TMEM232: variants seen among roughly 807,000 people sequenced by gnomAD.
TMEM232 encodes transmembrane protein 232.
A neutral mutation model predicts 78.8 loss-of-function variants in TMEM232; 80 were observed. The observed-to-expected ratio is 1.01, with a 90% CI of 0.85 to 1.22. The LOEUF (loss-of-function observed/expected upper bound fraction) is 1.22, where lower values mean the gene tolerates loss of function less well. Ranked by LOEUF, TMEM232 falls within the 50% of genes most tolerant of loss-of-function variation. The pLI is 0.00. For missense variants in TMEM232, 881 were observed against 742.2 expected, an observed-to-expected ratio of 1.19 and a Z score of -2.17; for synonymous variants, 297 against 254.3, an observed-to-expected ratio of 1.17 and a Z score of -1.60.
chr5:110,539,735 GA>G (rs1164710996), intron 11 of TMEM232, among the ~76,000 whole-genome samples: 2 of 152,154 alleles, frequency 1.3e-5, no homozygotes, highest in African/African-American at 4.8e-5. Flanking sequence ...CCCAACCAAG[GA>G]AGCTTCTGAA....
chr5:110,450,268 G>T (rs1407463893), intron 12 of TMEM232, among the ~76,000 whole-genome samples: 1 of 152,092 alleles, frequency 6.6e-6, no homozygotes, highest in East Asian at 1.9e-4. Context: ...GTGTGAGAAT[G>T]GACTAATGCA....
At chr5:110,450,847 T>A (rs572718886) in intron 12 of TMEM232, among the ~76,000 whole-genome samples, 3 of 152,176 alleles carry the variant, frequency 2.0e-5, no homozygotes, top group African/African-American at 7.2e-5. Flanking sequence ...ATCAAAAGAG[T>A]TAAGTGTGAA....
At chr5:110,627,938 C>T (rs1784626701) in intron 5 of TMEM232, 58 bp from the exon 6 acceptor site, 1 of 1,172,660 alleles carries the variant, frequency 8.5e-7, no homozygotes, top group Admixed American at 3.1e-5. Context: ...TGTTTAAAAA[C>T]CATAAGAAAA....
chr5:110,559,926 G>A (rs1344154480), intron 11 of TMEM232, among the ~76,000 whole-genome samples: 1 of 152,068 alleles, frequency 6.6e-6, no homozygotes, highest in Non-Finnish European at 1.5e-5. Context: ...CTTTACCTCT[G>A]TCTCCACATG....
chr5:110,679,068 A>G (rs979909329), intron 1 of TMEM232, among the ~76,000 whole-genome samples: 15 of 152,148 alleles, frequency 9.9e-5, no homozygotes, highest in Non-Finnish European at 1.9e-4. Context: ...TGGTAAGAGT[A>G]TTTCTTACAA....
chr5:110,592,346 C>T lies in TMEM232; in HGVS notation c.1276+12763G>A, dbSNP rs190240141. Among the ~76,000 whole-genome samples, 368 of 152,208 alleles carry T rather than the reference C, an allele frequency of 2.4e-3. 6 individuals carry two copies. The highest frequency in any genetic ancestry group is 0.016 in the Admixed American group (252 of 15,278). On this transcript the variant is annotated intron_variant, in intron 10 of 13. Coordinates refer to ENST00000455884, the MANE Select transcript of TMEM232 (RefSeq NM_001039763.4). ...ATCAACTTATTTCAATCATTTCTCA[C>T]GAGAAACCACAAAGCTTTGGTAAGA...
intron 10 of TMEM232, 70 bp from the exon 11 acceptor site, chr5:110,568,695 C>T: frequency 7.3e-7 from 1 of 1,372,266 alleles, no homozygotes; most frequent in African/African-American, 1.5e-5. Flanking sequence ...TTGTGTGAAA[C>T]AGAATAAACC....
intron 12 of TMEM232, among the ~76,000 whole-genome samples, chr5:110,487,187 T>C (rs944940877): frequency 6.6e-6 from 1 of 152,118 alleles, no homozygotes; most frequent in Non-Finnish European, 1.5e-5. Flanking sequence ...CTGAATTCTT[T>C]TCTCAGTTCT....
At chr5:110,504,938 G>T (rs1176569067) in intron 12 of TMEM232, among the ~76,000 whole-genome samples, 1 of 152,128 alleles carries the variant, frequency 6.6e-6, no homozygotes, top group African/African-American at 2.4e-5. Context: ...ATATGACAGG[G>T]CACTTATTTT....
At chr5:110,432,081 A>AT (rs1388147698) in intron 12 of TMEM232, among the ~76,000 whole-genome samples, 15 of 151,758 alleles carry the variant, frequency 9.9e-5, no homozygotes, top group African/African-American at 2.7e-4. Context: ...GACACAAAAT[A>AT]TTTTTTTGTA....
At chr5:110,591,605 C>G (rs1393810549) in intron 10 of TMEM232, among the ~76,000 whole-genome samples, 1 of 152,078 alleles carries the variant, frequency 6.6e-6, no homozygotes, top group Admixed American at 6.6e-5. Context: ...CTGTATGTTT[C>G]CATAGTTTTT....
At chr5:110,614,326 C>T (rs1386881438) in intron 8 of TMEM232, among the ~76,000 whole-genome samples, 1 of 152,020 alleles carries the variant, frequency 6.6e-6, no homozygotes, top group East Asian at 1.9e-4. Flanking sequence ...AGTGCTATAT[C>T]GAAACTCTTA....
intron 2 of TMEM232, among the ~76,000 whole-genome samples, chr5:110,414,133 C>T (rs1410876356): frequency 6.6e-6 from 1 of 152,206 alleles, no homozygotes; most frequent in Admixed American, 6.5e-5. Flanking sequence ...CTCACTCTTT[C>T]GCTTCATTCT....
At chr5:110,645,120 G>A (rs556735926) in intron 2 of TMEM232, among the ~76,000 whole-genome samples, 264 of 151,604 alleles carry the variant, frequency 1.7e-3, no homozygotes, top group African/African-American at 5.9e-3. Context: ...CCAGGACCAG[G>A]TGGTTTCATG....
chr5:110,582,623 A>G (rs978376174), intron 10 of TMEM232, among the ~76,000 whole-genome samples: 3 of 151,950 alleles, frequency 2.0e-5, no homozygotes, highest in African/African-American at 4.8e-5. Flanking sequence ...TACTCTGGTG[A>G]TGTCTATTTA....
At chr5:110,675,526 A>C (rs1791919044) in intron 1 of TMEM232, among the ~76,000 whole-genome samples, 1 of 152,212 alleles carries the variant, frequency 6.6e-6, no homozygotes, top group Non-Finnish European at 1.5e-5. Context: ...CATTTCTACA[A>C]CTGCATGGAG....
intron 12 of TMEM232, among the ~76,000 whole-genome samples, chr5:110,507,476 G>A (rs900623371): frequency 1.3e-5 from 2 of 152,146 alleles, no homozygotes; most frequent in Admixed American, 1.3e-4. Flanking sequence ...AGTTTACCCT[G>A]GGTTAATCCA....
intron 9 of TMEM232, 70 bp downstream of exon 9, chr5:110,606,094 T>C: frequency 1.4e-6 from 2 of 1,452,814 alleles, no homozygotes; most frequent in East Asian, 2.5e-5. Context: ...CGATATACAA[T>C]TTAAATAGTG....
chr5:110,641,697 T>A (rs1275560173), intron 3 of TMEM232, among the ~76,000 whole-genome samples: 2 of 152,214 alleles, frequency 1.3e-5, no homozygotes, highest in Non-Finnish European at 2.9e-5. Context: ...TTTTATTTAA[T>A]GAATTATTCA....
Sources: gnomAD v4.1 joint callset for allele counts (sites outside exome capture counted in the v4.1 genomes callset) on GRCh38, gnomAD v4.1.1 for gene constraint, MANE v1.5 for transcripts, NCBI Gene and HGNC (gene_info 2026-07-23, HGNC 2026-07-21) for gene names.